The following DENND1B variants were observed in gnomAD, a reference collection of about 807,000 sequenced individuals.
DENND1B encodes the protein DENN domain containing 1B.
DENND1B carries 59 observed loss-of-function variants against 90.1 expected under a neutral mutation model. That is an observed-to-expected ratio of 0.65 (90% CI 0.53 to 0.81). DENND1B has a LOEUF of 0.81. Ranked by LOEUF, DENND1B falls within the 40% of genes least tolerant of loss-of-function variation. The pLI is 0.00. For synonymous variants in DENND1B, 337 were observed against 324.6 expected (o/e 1.04, Z -0.41); for missense variants, 862 against 912.6 (o/e 0.94, Z 0.71).
rs974528932 is a variant in DENND1B, at chr1:197,642,656, G to A, written c.672+55C>T. On this transcript the variant is annotated intron_variant, in intron 10 of 22. Coordinates refer to ENST00000620048, the MANE Select transcript of DENND1B (RefSeq NM_001195215.2). Reference sequence around the variant, plus strand: ...TTTCTAAATCTGCAAAGGTTTTTAGGTCTTTTTGTGAAACACTCAATACCT... The same window carrying A: ...TTTCTAAATCTGCAAAGGTTTTTAGATCTTTTTGTGAAACACTCAATACCT... 88 of 1,283,650 alleles carry A rather than the reference G, an allele frequency of 6.9e-5. No individual in the cohort carries two copies. In the Middle Eastern group the frequency reaches 2.4e-3, roughly 35 times the overall value. 79.5% of individuals were successfully genotyped at this position (1,283,650 alleles called of 1,614,324 possible).
intron 3 of DENND1B, among the ~76,000 whole-genome samples, chr1:197,675,584 TAA>T (rs1394264293): frequency 1.3e-5 from 2 of 152,186 alleles, no homozygotes; most frequent in South Asian, 2.1e-4. Context: ...TAAATGTAGT[TAA>T]AAGAGTCACT....
chr1:197,662,931 A>G lies in DENND1B; in HGVS notation c.297-4562T>C, dbSNP rs116139462. Among the ~76,000 whole-genome samples the G allele has an allele frequency of 4.4e-3, 674 of 152,234 alleles. 10 individuals are homozygous for G. Among genetic ancestry groups the G allele is most frequent in the African/African-American group, 0.015 (631 of 41,562 alleles). Reference sequence around the variant, plus strand: ...CATAGGGGCAAATTTCCCAACAAATAAAGGTCTATTCAATGTGATTCTTTA... The same window carrying G: ...CATAGGGGCAAATTTCCCAACAAATGAAGGTCTATTCAATGTGATTCTTTA... On this transcript the variant is annotated intron_variant, in intron 5 of 22. Transcript: ENST00000620048.
intron 5 of DENND1B, among the ~76,000 whole-genome samples, chr1:197,659,333 G>A (rs1184102678): frequency 6.6e-6 from 1 of 151,688 alleles, no homozygotes; most frequent in African/African-American, 2.4e-5. Context: ...ATTTGTTAGT[G>A]ACTATGAATG....
In DENND1B at chr1:197,753,929, G is replaced by A. The variant is rs149594317; in HGVS notation, c.82+18939C>T. On this transcript the variant is annotated intron_variant, in intron 2 of 22. Transcript: ENST00000620048. ...ACAGAAGAATCGCTTAAACCCGGGA[G>A]GCGGAGGTTGCAGTGAGCCGAGATC... Among the ~76,000 whole-genome samples the A allele has an allele frequency of 9.6e-3, 1,460 of 152,156 alleles. 15 individuals are homozygous for A. Among genetic ancestry groups the A allele is most frequent in the South Asian group, 0.016 (76 of 4,832 alleles).
At chr1:197,578,520 C>G (rs1010791466) in intron 15 of DENND1B, among the ~76,000 whole-genome samples, 1 of 152,072 alleles carries the variant, frequency 6.6e-6, no homozygotes, top group African/African-American at 2.4e-5. Context: ...GCTGGGATCA[C>G]CAGCATGAGC....
intron 7 of DENND1B, among the ~76,000 whole-genome samples, chr1:197,649,676 A>T (rs775360404): frequency 1.3e-5 from 2 of 152,198 alleles, no homozygotes; most frequent in South Asian, 4.1e-4. Context: ...ATGTAGGAGA[A>T]TGAAACTGGA....
At chr1:197,601,011 A>G (rs1676159291) in intron 13 of DENND1B, among the ~76,000 whole-genome samples, 1 of 151,272 alleles carries the variant, frequency 6.6e-6, no homozygotes, top group African/African-American at 2.4e-5. Context: ...ACTGAGCTAC[A>G]ACAGGTCCAG....
intron 2 of DENND1B, among the ~76,000 whole-genome samples, chr1:197,753,427 A>C (rs1239778963): frequency 6.6e-6 from 1 of 152,086 alleles, no homozygotes; most frequent in Non-Finnish European, 1.5e-5. Context: ...AAGCACAGAG[A>C]ATATTTAGGG....
intron 15 of DENND1B, among the ~76,000 whole-genome samples, chr1:197,575,691 A>T (rs1384661120): frequency 1.3e-5 from 2 of 152,244 alleles, no homozygotes; most frequent in East Asian, 1.9e-4. Context: ...CCAAATGTCC[A>T]TCAATGATAG....
At chr1:197,706,899 C>A (rs1274354432) in intron 3 of DENND1B, among the ~76,000 whole-genome samples, 1 of 152,116 alleles carries the variant, frequency 6.6e-6, no homozygotes, top group Non-Finnish European at 1.5e-5. Context: ...ACAGAACTAT[C>A]ATATGATCCA....
intron 3 of DENND1B, among the ~76,000 whole-genome samples, chr1:197,686,750 T>A (rs936689851): frequency 5.3e-5 from 8 of 151,680 alleles, no homozygotes; most frequent in African/African-American, 1.9e-4. Flanking sequence ...TCTCTTCCTA[T>A]CTTTGTCATT....
chr1:197,591,514 GCT>G (rs1192740367), intron 14 of DENND1B, among the ~76,000 whole-genome samples: 1 of 152,152 alleles, frequency 6.6e-6, no homozygotes, highest in Admixed American at 6.6e-5. Context: ...ATTCAGTCCT[GCT>G]GTGTAGAGCA....
At chr1:197,574,752 C>T (rs1199108143) in intron 15 of DENND1B, among the ~76,000 whole-genome samples, 2 of 152,072 alleles carry the variant, frequency 1.3e-5, no homozygotes, top group Non-Finnish European at 2.9e-5. Context: ...AGATATAGGC[C>T]AATGGAACAG....
intron 15 of DENND1B, among the ~76,000 whole-genome samples, chr1:197,559,022 T>C (rs1038493333): frequency 6.6e-6 from 1 of 151,934 alleles, no homozygotes; most frequent in African/African-American, 2.4e-5. Flanking sequence ...AGATTACACT[T>C]CAATATAGCT....
rs910361023 is a variant in DENND1B, at chr1:197,624,718, T to C, written c.673-6959A>G. 4.0e-5 allele frequency among the ~76,000 whole-genome samples: 6 copies of C among 151,882 alleles called. No individual in the cohort carries two copies. In the South Asian group the frequency reaches 1.0e-3, roughly 26 times the overall value. ...AAGGCTTCAGACGATCAAACTACTC[T>C]GAGCTACAGGAGGAAATTTAAACCA... On this transcript the variant is annotated intron_variant, in intron 10 of 22. Coordinates refer to ENST00000620048, the MANE Select transcript of DENND1B (RefSeq NM_001195215.2).
chr1:197,563,393 G>A (rs1672338861), intron 15 of DENND1B, among the ~76,000 whole-genome samples: 1 of 151,870 alleles, frequency 6.6e-6, no homozygotes, highest in Non-Finnish European at 1.5e-5. Context: ...AAAAATCCTT[G>A]GGCCCTTACA....
At chr1:197,721,863 T>A (rs1661213504) in intron 2 of DENND1B, among the ~76,000 whole-genome samples, 1 of 152,104 alleles carries the variant, frequency 6.6e-6, no homozygotes, top group African/African-American at 2.4e-5. Flanking sequence ...AATGAAAGAA[T>A]TTTATTTCAA....
intron 6 of DENND1B, among the ~76,000 whole-genome samples, chr1:197,652,624 C>T (rs984312223): frequency 1.6e-4 from 24 of 151,922 alleles, no homozygotes; most frequent in African/African-American, 5.8e-4. Context: ...ATCATTAAAT[C>T]CAATAAGAAC....
intron 20 of DENND1B, among the ~76,000 whole-genome samples, chr1:197,529,819 G>A (rs1270657405): frequency 6.6e-6 from 1 of 152,012 alleles, no homozygotes; most frequent in Non-Finnish European, 1.5e-5. Context: ...AAATAAAACT[G>A]ATGAAAGAAC....
Sources: gnomAD v4.1 joint callset for allele counts (sites outside exome capture counted in the v4.1 genomes callset) on GRCh38, gnomAD v4.1.1 for gene constraint, MANE v1.5 for transcripts, NCBI Gene and HGNC (gene_info 2026-07-23, HGNC 2026-07-21) for gene names.